The following SNX24 variants were observed in gnomAD, a reference collection of about 807,000 sequenced individuals.
SNX24 encodes the protein sorting nexin 24, also known as sorting nexin-24.
In SNX24, 22 loss-of-function variants were observed where a neutral mutation model predicts 28.7. That is an observed-to-expected ratio of 0.77 (90% CI 0.55 to 1.10). The LOEUF (loss-of-function observed/expected upper bound fraction) is 1.10. Ranked by LOEUF, SNX24 falls within the 50% of genes least tolerant of loss-of-function variation. The probability of loss-of-function intolerance (pLI) is 0.00; values close to 1 mark genes in which losing one functional copy is unlikely to be tolerated. For missense variants in SNX24, 221 were observed against 201.1 expected (o/e 1.10, Z -0.60); for synonymous variants, 69 against 71.5 (o/e 0.96, Z 0.18).
chr5:122,973,514 G>A (rs567026304), intron 3 of SNX24, among the ~76,000 whole-genome samples: 28 of 152,302 alleles, frequency 1.8e-4, no homozygotes, highest in African/African-American at 6.7e-4. Context: ...GAAGCCATTG[G>A]TGCAGGCTGG....
intron 1 of SNX24, among the ~76,000 whole-genome samples, chr5:122,854,515 C>CAAAAAAAAAAAA (rs55693230): frequency 3.3e-5 from 4 of 121,382 alleles, no homozygotes; most frequent in Non-Finnish European, 3.5e-5. Context: ...CTCAAAAAAA[C>CAAAAAAAAAAAA]AAAAAAAAAA....
intron 1 of SNX24, among the ~76,000 whole-genome samples, chr5:122,851,679 ATAT>A (rs539451011): frequency 7.8e-4 from 119 of 152,304 alleles, no homozygotes; most frequent in African/African-American, 2.7e-3. Flanking sequence ...ATAATGTGAA[ATAT>A]TATTATGATC....
At chr5:122,910,490 T>C (rs1030942903) in intron 1 of SNX24, among the ~76,000 whole-genome samples, 3 of 152,056 alleles carry the variant, frequency 2.0e-5, no homozygotes, top group African/African-American at 7.2e-5. Flanking sequence ...TATTATACTT[T>C]AAGTTTTAGG....
At chr5:122,920,851 G>T (rs1758401655) in intron 1 of SNX24, among the ~76,000 whole-genome samples, 1 of 152,152 alleles carries the variant, frequency 6.6e-6, no homozygotes, top group Non-Finnish European at 1.5e-5. Context: ...CATGAAATGT[G>T]CAAATAGGAA....
At chr5:122,846,110 GT>G (rs760983843) in intron 1 of SNX24, among the ~76,000 whole-genome samples, 3,818 of 147,986 alleles carry the variant, frequency 0.026, 68 homozygotes, top group African/African-American at 0.043. Flanking sequence ...TGGAAAACCT[GT>G]TTTTTTTTTT....
At chr5:122,850,703 T>C (rs1312047075) in intron 1 of SNX24, among the ~76,000 whole-genome samples, 2 of 150,842 alleles carry the variant, frequency 1.3e-5, no homozygotes, top group Non-Finnish European at 2.9e-5. Context: ...TTTTTGGTGA[T>C]GGGTATAGCT....
chr5:122,977,970 G>T (rs1405678163), intron 3 of SNX24, among the ~76,000 whole-genome samples: 1 of 152,130 alleles, frequency 6.6e-6, no homozygotes, highest in Admixed American at 6.5e-5. Context: ...AATAGTCTTT[G>T]ATGTGAAATG....
chr5:122,888,490 G>A (rs1756813465), intron 1 of SNX24, among the ~76,000 whole-genome samples: 1 of 152,154 alleles, frequency 6.6e-6, no homozygotes, highest in Non-Finnish European at 1.5e-5. Context: ...CTGTTATTTT[G>A]ATGATTTCAA....
chr5:122,939,874 C>A lies in SNX24; in HGVS notation c.144+3057C>A, dbSNP rs150788770. ...ACCTCCATCACACACACTGAAGTTA[C>A]AAAGCTTAGAACCACACATCTCAAG... On this transcript the variant is annotated intron_variant, in intron 2 of 6. Transcript: ENST00000261369. 1.9e-3 allele frequency among the ~76,000 whole-genome samples: 296 copies of A among 152,294 alleles called. 6 individuals carry two copies. The East Asian group carries it at 0.046, about 24-fold the overall frequency.
rs77411376 is a variant in SNX24 at position 122,981,152 on chromosome 5, A to G, written c.250-18760A>G. 3.4e-3 allele frequency among the ~76,000 whole-genome samples: 524 copies of G among 152,318 alleles called. 5 individuals carry two copies. The highest frequency in any genetic ancestry group is 0.012 in the African/African-American group (505 of 41,570). ...TGCAAAACATATGTTATTTGTGCCA[A>G]TTTAGTATGTTTTTAGTAGATAAGT... On this transcript the variant is annotated intron_variant, in intron 3 of 6. Transcript: ENST00000261369.
chr5:122,992,473 T>G (rs756062676), intron 3 of SNX24, among the ~76,000 whole-genome samples: 6 of 152,124 alleles, frequency 3.9e-5, no homozygotes, highest in Non-Finnish European at 7.4e-5. Context: ...GTGACCTTCC[T>G]TAAGGGTTTT....
At chr5:122,987,615 G>T (rs1761659066) in intron 3 of SNX24, among the ~76,000 whole-genome samples, 1 of 152,214 alleles carries the variant, frequency 6.6e-6, no homozygotes, top group Non-Finnish European at 1.5e-5. Flanking sequence ...GAGAGAGGCT[G>T]ATGGGTTTGG....
At chr5:123,005,636 A>G (rs138441600) in intron 6 of SNX24, among the ~76,000 whole-genome samples, 1,679 of 152,310 alleles carry the variant, frequency 0.011, 12 homozygotes, top group Middle Eastern at 0.051. Flanking sequence ...ATCGACTTCT[A>G]TATTGTGAGT....
chr5:122,981,354 C>G (rs1040826099), intron 3 of SNX24, among the ~76,000 whole-genome samples: 4 of 152,120 alleles, frequency 2.6e-5, no homozygotes, highest in Non-Finnish European at 4.4e-5. Flanking sequence ...AGTATTTAGC[C>G]AAATCCTCTG....
At chr5:122,973,195 A>G (rs1487443714) in intron 3 of SNX24, among the ~76,000 whole-genome samples, 1 of 152,210 alleles carries the variant, frequency 6.6e-6, no homozygotes, top group Non-Finnish European at 1.5e-5. Flanking sequence ...TTTCTTTGTC[A>G]CCAATTTTCC....
chr5:122,904,737 A>C (rs1757578633), intron 1 of SNX24, among the ~76,000 whole-genome samples: 1 of 152,178 alleles, frequency 6.6e-6, no homozygotes, highest in Non-Finnish European at 1.5e-5. Flanking sequence ...ACTGTGACCG[A>C]AGGAACATGT....
chr5:123,000,134 A>G (rs1342874086), intron 4 of SNX24, 128 bp downstream of exon 4: 39 of 682,960 alleles, frequency 5.7e-5, no homozygotes, highest in Non-Finnish European at 9.4e-5. Context: ...GGCTTGCTGC[A>G]GCACTCGCTC....
chr5:123,011,238 C>T (rs1179711068), downstream of SNX24, among the ~76,000 whole-genome samples: 1 of 152,162 alleles, frequency 6.6e-6, no homozygotes, highest in African/African-American at 2.4e-5. Context: ...CCACTTAAGT[C>T]AGGATGTGGG....
chr5:122,882,472 T>C (rs1229274279), intron 1 of SNX24, among the ~76,000 whole-genome samples: 1 of 152,232 alleles, frequency 6.6e-6, no homozygotes, highest in Non-Finnish European at 1.5e-5. Flanking sequence ...CGCATCTCAG[T>C]GTCAGCCAGA....
Sources: allele counts gnomAD v4.1 joint callset (sites outside exome capture counted in the v4.1 genomes callset), GRCh38; gene constraint gnomAD v4.1.1; transcripts MANE v1.5; gene names NCBI Gene and HGNC (gene_info 2026-07-23, HGNC 2026-07-21).